EOLA2: variants seen among roughly 807,000 people sequenced by gnomAD.
EOLA2 encodes protein EOLA2.
EOLA2 carries 3 observed loss-of-function variants against 4.1 expected under a neutral mutation model. That is an observed-to-expected ratio of 0.73 (90% CI 0.33 to 1.89). EOLA2 has a LOEUF of 1.89. Among genes scored for constraint, EOLA2 ranks in the 40% most tolerant of loss-of-function variants. The pLI is 0.08. For synonymous variants in EOLA2, 52 were observed against 51.7 expected, an observed-to-expected ratio of 1.01 and a Z score of -0.03; for missense variants, 109 against 126.4, an observed-to-expected ratio of 0.86 and a Z score of 0.66.
intron 2 of EOLA2, among the ~76,000 whole-genome samples, chrX:149,935,841 C>T (rs1342993331): frequency 2.8e-5 from 3 of 108,439 alleles, no homozygotes; most frequent in Non-Finnish European, 5.7e-5. Flanking sequence ...GACCTAGCTG[C>T]TCTCTGCCCT....
intron 1 of EOLA2, among the ~76,000 whole-genome samples, chrX:149,937,765 G>A (rs1422863234): frequency 8.9e-6 from 1 of 112,777 alleles, no homozygotes; most frequent in Non-Finnish European, 1.9e-5. Context: ...CTCCATCCGA[G>A]GGGAGAAAAA....
intron 3 of EOLA2, 31 bp downstream of exon 3, chrX:149,933,974 G>C (rs1603029716): frequency 8.7e-7 from 1 of 1,149,901 alleles, no homozygotes; most frequent in Non-Finnish European, 1.2e-6. Context: ...CCTTCCCCCC[G>C]TGTCTCTCAG....
intron 1 of EOLA2, among the ~76,000 whole-genome samples, chrX:149,937,901 G>A (rs2091041643): frequency 1.8e-5 from 2 of 112,780 alleles, no homozygotes; most frequent in South Asian, 3.6e-4. Flanking sequence ...TGCACCGCCC[G>A]GCCTGGGGTC....
rs782713943 is a variant in EOLA2, at chrX:149,933,689, C to A, written c.186G>T (p.Gly62=). The A allele has an allele frequency of 1.7e-5, 20 of 1,206,095 alleles. No homozygotes were observed. In the East Asian group the frequency reaches 4.2e-4, roughly 25 times the overall value. The part of the protein sequence containing the change: ...ACRELLVERL[G]MTPAQIQALL... Reference sequence around the variant, plus strand: ...AGGCCTGAATCTGAGCAGGAGTCATCCCGAGTCTCTCCACCAGCAGCTCCC... The same window carrying A: ...AGGCCTGAATCTGAGCAGGAGTCATACCGAGTCTCTCCACCAGCAGCTCCC... Residue 62 remains glycine, a synonymous_variant, in exon 4 of 5, where the codon GGG becomes GGT. Coordinates refer to ENST00000370406, the MANE Select transcript of EOLA2 (RefSeq NM_001013845.2).
At chrX:149,934,597 A>G (rs1257520585) in intron 2 of EOLA2, 2 of 752,295 alleles carry the variant, frequency 2.7e-6, no homozygotes, top group South Asian at 6.8e-5. Flanking sequence ...AATGATAATC[A>G]GAACAACTGG....
At chrX:149,936,789 G>A in intron 2 of EOLA2, among the ~76,000 whole-genome samples, 1 of 106,814 alleles carries the variant, frequency 9.4e-6, no homozygotes, top group South Asian at 4.2e-4. Context: ...ACAGGCTAGG[G>A]CACGAGTTTG....
intron 4 of EOLA2, among the ~76,000 whole-genome samples, chrX:149,933,312 T>C (rs1413674673): frequency 9.6e-6 from 1 of 104,271 alleles, no homozygotes; most frequent in African/African-American, 3.6e-5. Flanking sequence ...CACTCACACA[T>C]GTATGTGCAA....
chrX:149,932,468 G>C lies in EOLA2; in HGVS notation c.*76C>G. ...TCTTTAACCTAATTTATACAGGTCT[G>C]CGTCACGATGGCAAATTGAAGGTGC... On this transcript the variant is annotated 3_prime_UTR_variant, in exon 5 of 5. Coordinates refer to ENST00000370406, the MANE Select transcript of EOLA2 (RefSeq NM_001013845.2). 1 of 1,198,170 alleles carries C rather than the reference G, an allele frequency of 8.3e-7. No homozygotes were observed. Among genetic ancestry groups the C allele is most frequent in the Non-Finnish European group, 1.1e-6 (1 of 887,602 alleles).
chrX:149,932,246 A>AT lies in EOLA2; in HGVS notation c.*297dup. ...CAATCCAGAAACTAGCAGGACCAAA[A>AT]TTAGCAGCAATGCTGAGACATTTAC... On this transcript the variant is annotated 3_prime_UTR_variant, in exon 5 of 5. Transcript: ENST00000370406. The AT allele has an allele frequency of 1.5e-6, 1 of 673,271 alleles. No homozygotes were observed. The highest frequency in any genetic ancestry group is 5.5e-5 in the Admixed American group (1 of 18,259). The allele number at this position is 673,271 out of a possible 1,213,427, so 55.5% of individuals were successfully genotyped here. A position where few individuals can be genotyped will look rare whatever the true frequency, so the allele number is the denominator to read the frequency against.
At chrX:149,934,238 C>T (rs2090940210) in intron 2 of EOLA2, 101 bp from the exon 3 acceptor site, 1 of 777,114 alleles carries the variant, frequency 1.3e-6, no homozygotes, top group Non-Finnish European at 1.6e-6. Context: ...TCGGCCTAGC[C>T]AGAGCGGAGA....
At chrX:149,937,707 C>T (rs373862361) in intron 1 of EOLA2, among the ~76,000 whole-genome samples, 1 of 112,679 alleles carries the variant, frequency 8.9e-6, no homozygotes, top group East Asian at 2.8e-4. Flanking sequence ...GTCCGCAGAG[C>T]AGAAAATCAT....
intron 2 of EOLA2, among the ~76,000 whole-genome samples, chrX:149,935,085 T>C (rs1315543533): frequency 7.3e-5 from 8 of 109,208 alleles, no homozygotes; most frequent in Non-Finnish European, 5.7e-5. Context: ...CCTCTCTCTG[T>C]CCTTCCTTTC....
intron 1 of EOLA2, 29 bp from the exon 2 acceptor site, chrX:149,937,509 G>A: frequency 1.9e-6 from 1 of 534,705 alleles, no homozygotes; most frequent in South Asian, 9.7e-5. Context: ...AAAGAGGAAA[G>A]GTCATTAAAT....
downstream of EOLA2, chrX:149,930,868 T>C (rs782758698): frequency 7.3e-6 from 6 of 821,026 alleles, no homozygotes; most frequent in East Asian, 1.8e-4. Context: ...CCACTAGGCA[T>C]CCCCTGGGAA....
rs1483669042 is a variant in EOLA2 at position 149,933,260 on chromosome X, C to T, written c.253+362G>A. Among the ~76,000 whole-genome samples the T allele has an allele frequency of 7.1e-4, 68 of 95,488 alleles. 1 individual carries two copies. Among genetic ancestry groups the T allele is most frequent in the African/African-American group, 2.2e-3 (55 of 25,160 alleles). The allele number at this position is 95,488 out of a possible 115,157, so 82.9% of individuals were successfully genotyped here. On this transcript the variant is annotated intron_variant, in intron 4 of 4. Coordinates refer to ENST00000370406, the MANE Select transcript of EOLA2 (RefSeq NM_001013845.2). ...AACTCTAGAGGCCACCTGACCCATT[C>T]GGCGGGCTGGGCTGCTTTTCATGGT...
Position 149,932,490 on chromosome X carries a change from G to C in EOLA2, c.*54C>G, listed in dbSNP as rs782092575. The C allele has an allele frequency of 8.3e-7, 1 of 1,201,776 alleles. No individual in the cohort carries two copies. Among genetic ancestry groups the C allele is most frequent in the South Asian group, 1.8e-5 (1 of 56,141 alleles). On this transcript the variant is annotated 3_prime_UTR_variant, in exon 5 of 5. Coordinates refer to ENST00000370406, the MANE Select transcript of EOLA2 (RefSeq NM_001013845.2). ...TCTGCGTCACGATGGCAAATTGAAG[G>C]TGCCATGATTTAGCTGGTTTCTCTG...
chrX:149,930,297 A>T (rs1277620762), downstream of EOLA2, among the ~76,000 whole-genome samples: 1 of 112,236 alleles, frequency 8.9e-6, no homozygotes, highest in African/African-American at 3.3e-5. Flanking sequence ...AAAAGTATGG[A>T]TTTTGATATT....
At chrX:149,935,121 G>A (rs1170113391) in intron 2 of EOLA2, among the ~76,000 whole-genome samples, 1 of 103,560 alleles carries the variant, frequency 9.7e-6, no homozygotes, top group Non-Finnish European at 2.0e-5. Context: ...CCTCTAGTAC[G>A]CTCTATGATT....
intron 1 of EOLA2, 90 bp from the exon 2 acceptor site, chrX:149,937,570 G>A (rs1557376481): frequency 1.2e-5 from 2 of 168,800 alleles, no homozygotes; most frequent in African/African-American, 6.2e-5. Context: ...CTACTCAGCA[G>A]GCATTGGAAA....
Sources: allele counts gnomAD v4.1 joint callset (sites outside exome capture counted in the v4.1 genomes callset), GRCh38; gene constraint gnomAD v4.1.1; transcripts MANE v1.5; gene names NCBI Gene and HGNC (gene_info 2026-07-23, HGNC 2026-07-21).